CNBD1: variants seen among roughly 807,000 people sequenced by gnomAD.
CNBD1 encodes the protein cyclic nucleotide binding domain containing 1.
In CNBD1, 71 loss-of-function variants were observed where a neutral mutation model predicts 54.4. The ratio of observed to expected loss-of-function variants is 1.30; its 90% CI spans 1.08 to 1.59. The LOEUF (loss-of-function observed/expected upper bound fraction) is 1.59. Among genes scored for constraint, CNBD1 ranks in the 40% most tolerant of loss-of-function variants. CNBD1 has a pLI of 0.00. For synonymous variants in CNBD1, 182 were observed against 170.7 expected (o/e 1.07, Z -0.51); for missense variants, 659 against 518.0 (o/e 1.27, Z -2.64).
At chr8:86,941,720 A>G (rs1338124267) in intron 4 of CNBD1, among the ~76,000 whole-genome samples, 3 of 152,206 alleles carry the variant, frequency 2.0e-5, no homozygotes, top group Non-Finnish European at 4.4e-5. Context: ...ACAGTGGACT[A>G]CCGCGAAAAG....
Position 87,055,902 on chromosome 8 carries a change from C to G in CNBD1, c.431+116148C>G, listed in dbSNP as rs920856683. Among the ~76,000 whole-genome samples, 88 of 127,476 alleles carry G rather than the reference C, an allele frequency of 6.9e-4. 1 individual carries two copies. The highest frequency in any genetic ancestry group is 1.2e-3 in the Non-Finnish European group (70 of 57,814). The allele number at this position is 127,476 out of a possible 152,430, so 83.6% of individuals were successfully genotyped here. A position where few individuals can be genotyped will look rare whatever the true frequency, so the allele number is the denominator to read the frequency against. ...TTGACCTTTCCTTCCTTCCTTCCTTCCTTCCTTCCTTCCTTCCTTCCTTCC... is the reference window on the plus strand; with the variant it reads ...TTGACCTTTCCTTCCTTCCTTCCTTGCTTCCTTCCTTCCTTCCTTCCTTCC... On this transcript the variant is annotated intron_variant, in intron 4 of 10. Transcript: ENST00000518476.
intron 7 of CNBD1, among the ~76,000 whole-genome samples, chr8:87,285,981 G>C (rs916184830): frequency 1.3e-5 from 2 of 152,178 alleles, no homozygotes; most frequent in Non-Finnish European, 2.9e-5. Context: ...CAGAAAGCTG[G>C]CATAAGCCAT....
At chr8:87,410,602 T>C (rs1431694162) in intron 2 of CNBD1, among the ~76,000 whole-genome samples, 1 of 152,118 alleles carries the variant, frequency 6.6e-6, no homozygotes, top group Non-Finnish European at 1.5e-5. Flanking sequence ...ATTTAGAATA[T>C]TACATAAACT....
chr8:87,375,806 G>A (rs577409434), intron 10 of CNBD1, among the ~76,000 whole-genome samples: 1 of 151,904 alleles, frequency 6.6e-6, no homozygotes, highest in South Asian at 2.1e-4. Context: ...TTTTGCAAAG[G>A]TACACTGAAT....
intron 8 of CNBD1, among the ~76,000 whole-genome samples, chr8:87,300,346 A>C (rs939206782): frequency 6.6e-6 from 1 of 152,142 alleles, no homozygotes; most frequent in Non-Finnish European, 1.5e-5. Flanking sequence ...ATAAGTATTT[A>C]CAATATATAA....
intron 4 of CNBD1, among the ~76,000 whole-genome samples, chr8:86,988,261 A>G (rs1808655741): frequency 6.7e-6 from 1 of 149,216 alleles, no homozygotes; most frequent in African/African-American, 2.5e-5. Context: ...GAACTTATCT[A>G]TTTCCACTAG....
intron 2 of CNBD1, among the ~76,000 whole-genome samples, chr8:87,406,946 G>T (rs550330159): frequency 6.6e-6 from 1 of 152,046 alleles, no homozygotes. Flanking sequence ...TTACTCTGGA[G>T]GAAGTTATCC....
rs1445762597 is a variant in CNBD1, at chr8:87,224,310, C to T, written c.578-12609C>T. ...GCTTTTGGTGTTTTAGACATGAAGT[C>T]CTTGCCCATGCCTATGTCCTGAATG... On this transcript the variant is annotated intron_variant, in intron 5 of 10. Transcript: ENST00000518476. Among the ~76,000 whole-genome samples the T allele has an allele frequency of 5.3e-5, 8 of 150,118 alleles. No individual in the cohort carries two copies. The South Asian group carries it at 1.3e-3, about 24-fold the overall frequency.
intron 4 of CNBD1, among the ~76,000 whole-genome samples, chr8:86,997,220 G>C (rs980991440): frequency 1.3e-5 from 2 of 152,098 alleles, no homozygotes; most frequent in Non-Finnish European, 2.9e-5. Flanking sequence ...TTACCTTTGT[G>C]GGGATTGCAG....
At chr8:87,360,605 G>C (rs1810506331) in intron 10 of CNBD1, among the ~76,000 whole-genome samples, 1 of 151,844 alleles carries the variant, frequency 6.6e-6, no homozygotes, top group Non-Finnish European at 1.5e-5. Flanking sequence ...TTTTACTGAT[G>C]TCTTAAATTC....
chr8:86,978,808 A>G (rs1359981300), intron 4 of CNBD1, among the ~76,000 whole-genome samples: 1 of 152,126 alleles, frequency 6.6e-6, no homozygotes, highest in Admixed American at 6.5e-5. Context: ...TGCTGGGATT[A>G]TGGGCGTGAC....
chr8:87,224,802 G>A (rs1162207857), intron 5 of CNBD1, among the ~76,000 whole-genome samples: 2 of 150,568 alleles, frequency 1.3e-5, no homozygotes, highest in African/African-American at 5.0e-5. Flanking sequence ...AGCTTGATGG[G>A]GATGGCATTG....
chr8:87,428,535 T>C lies in CNBD1; in HGVS notation c.214-11T>C, dbSNP rs187957855. ...ATGATATTCTAAGTGTTTTCTTCTG[T>C]TTTCATCTAGAATTAGACCCAGTGA... On this transcript the variant is annotated splice_polypyrimidine_tract_variant and intron_variant, in intron 2 of 7. Transcript: ENST00000521593. 564 of 441,606 alleles carry C rather than the reference T, an allele frequency of 1.3e-3. 2 individuals are homozygous for C. The highest frequency in any genetic ancestry group is 0.01 in the African/African-American group (515 of 49,490). The allele number at this position is 441,606 out of a possible 1,614,324, so 27.4% of individuals were successfully genotyped here.
intron 5 of CNBD1, among the ~76,000 whole-genome samples, chr8:87,209,736 A>G (rs372057716): frequency 1.3e-5 from 2 of 152,188 alleles, no homozygotes; most frequent in Non-Finnish European, 2.9e-5. Context: ...AGCAAAAAGA[A>G]CAAAGCTAGA....
At chr8:87,307,110 A>T (rs924514950) in intron 8 of CNBD1, among the ~76,000 whole-genome samples, 2 of 152,176 alleles carry the variant, frequency 1.3e-5, no homozygotes, top group South Asian at 2.1e-4. Context: ...TTGCAACTCA[A>T]TGTTTAGATC....
chr8:87,137,191 T>G (rs547668335), intron 4 of CNBD1, among the ~76,000 whole-genome samples: 45 of 143,028 alleles, frequency 3.1e-4, no homozygotes, highest in Admixed American at 8.6e-4. Context: ...TTATTCTATA[T>G]AAATTATATA....
At chr8:86,989,772 C>T (rs1317575538) in intron 4 of CNBD1, among the ~76,000 whole-genome samples, 1 of 152,056 alleles carries the variant, frequency 6.6e-6, no homozygotes, top group African/African-American at 2.4e-5. Context: ...TTATACTGTT[C>T]TTTATAGTGC....
chr8:87,021,221 A>C (rs1465381482), intron 4 of CNBD1, among the ~76,000 whole-genome samples: 1 of 152,236 alleles, frequency 6.6e-6, no homozygotes, highest in African/African-American at 2.4e-5. Context: ...TTTGGTTCAG[A>C]ATAAATCTCT....
intron 2 of CNBD1, among the ~76,000 whole-genome samples, chr8:87,427,455 A>T (rs540408821): frequency 6.6e-6 from 1 of 152,298 alleles, no homozygotes; most frequent in South Asian, 2.1e-4. Flanking sequence ...TAAAACTGAC[A>T]TATTTACCTT....
Sources: allele counts gnomAD v4.1 joint callset (sites outside exome capture counted in the v4.1 genomes callset), GRCh38; gene constraint gnomAD v4.1.1; transcripts MANE v1.5; gene names NCBI Gene and HGNC (gene_info 2026-07-23, HGNC 2026-07-21).